Variants in GRIN2B observed in about 807,000 individuals in gnomAD.
The protein encoded by GRIN2B is glutamate ionotropic receptor NMDA type subunit 2B, also known as glutamate receptor ionotropic, NMDA 2B.
GRIN2B carries 5 observed loss-of-function variants against 114.5 expected under a neutral mutation model. The observed-to-expected ratio is 0.04, with a 90% CI of 0.02 to 0.09. The LOEUF (loss-of-function observed/expected upper bound fraction) is 0.09, where lower values mean the gene tolerates loss of function less well. Ranked by LOEUF, GRIN2B falls within the 10% of genes least tolerant of loss-of-function variation. GRIN2B has a pLI of 1.00. For missense variants in GRIN2B, 1,108 were observed against 1,943.5 expected, an observed-to-expected ratio of 0.57 and a Z score of 8.08; for synonymous variants, 787 against 745.1, an observed-to-expected ratio of 1.06 and a Z score of -0.92.
At chr12:13,666,772 G>A (rs1949980240) in intron 5 of GRIN2B, among the ~76,000 whole-genome samples, 1 of 152,068 alleles carries the variant, frequency 6.6e-6, no homozygotes, top group African/African-American at 2.4e-5. Flanking sequence ...CATCATCACT[G>A]CAGGAAAAAC....
intron 3 of GRIN2B, among the ~76,000 whole-genome samples, chr12:13,785,250 T>C (rs964841534): frequency 1.3e-5 from 2 of 152,238 alleles, no homozygotes; most frequent in Admixed American, 1.3e-4. Flanking sequence ...GATGTTCCCC[T>C]GGCATCCATC....
Position 13,726,814 on chromosome 12 carries a change from C to T in GRIN2B, c.1010+26503G>A, listed in dbSNP as rs12579537. On this transcript the variant is annotated intron_variant, in intron 4 of 13. Coordinates refer to ENST00000609686, the MANE Select transcript of GRIN2B (RefSeq NM_000834.5). ...AATGTGTAGTCTTTTATCCCTCACC[C>T]GCCTCCGACCCTTTCCGCAAGTCCA... Among the ~76,000 whole-genome samples the T allele has an allele frequency of 2.0e-3, 306 of 151,966 alleles. 3 individuals carry two copies. Among genetic ancestry groups the T allele is most frequent in the African/African-American group, 6.9e-3 (287 of 41,482 alleles).
intron 4 of GRIN2B, among the ~76,000 whole-genome samples, chr12:13,699,721 T>C (rs796843324): frequency 8.5e-5 from 13 of 152,136 alleles, no homozygotes; most frequent in African/African-American, 2.7e-4. Flanking sequence ...CCCAAGTAGC[T>C]GGGACTACAG....
In GRIN2B at chr12:13,779,486, C is replaced by T. The variant is rs186684435; in HGVS notation, c.412-25571G>A. ...AAGCCACACATGTAATTTTAAATAG[C>T]CTGGTGGATATATTAAAATAAATAA... On this transcript the variant is annotated intron_variant, in intron 3 of 13. Coordinates refer to ENST00000609686, the MANE Select transcript of GRIN2B (RefSeq NM_000834.5). Among the ~76,000 whole-genome samples the T allele has an allele frequency of 5.3e-5, 8 of 152,162 alleles. No homozygotes were observed. In the East Asian group the frequency reaches 1.2e-3, roughly 22 times the overall value.
intron 10 of GRIN2B, among the ~76,000 whole-genome samples, chr12:13,586,190 A>G (rs1033052413): frequency 6.6e-6 from 1 of 152,242 alleles, no homozygotes; most frequent in South Asian, 2.1e-4. Flanking sequence ...GCTATGTGTC[A>G]TGATACAGGG....
chr12:13,747,485 C>G (rs1863406580), intron 4 of GRIN2B, among the ~76,000 whole-genome samples: 2 of 152,184 alleles, frequency 1.3e-5, no homozygotes, highest in South Asian at 4.1e-4. Flanking sequence ...TTTTTCCCAA[C>G]TTATATATCC....
intron 5 of GRIN2B, among the ~76,000 whole-genome samples, chr12:13,635,517 A>G (rs537856911): frequency 6.6e-6 from 1 of 152,182 alleles, no homozygotes; most frequent in Admixed American, 6.6e-5. Context: ...CTTTGCAATG[A>G]AGACAATTTT....
At chr12:13,920,915 A>G (rs576465158) in intron 2 of GRIN2B, among the ~76,000 whole-genome samples, 16 of 152,254 alleles carry the variant, frequency 1.1e-4, no homozygotes, top group Middle Eastern at 3.4e-3. Context: ...TGACTAATAC[A>G]TTAGTCTGCC....
intron 2 of GRIN2B, among the ~76,000 whole-genome samples, chr12:13,956,117 T>C (rs1340357252): frequency 6.6e-6 from 1 of 152,108 alleles, no homozygotes; most frequent in African/African-American, 2.4e-5. Flanking sequence ...GTAGGGGATA[T>C]GTCTGACCAA....
chr12:13,922,024 T>C (rs1263253663), intron 2 of GRIN2B, among the ~76,000 whole-genome samples: 1 of 152,202 alleles, frequency 6.6e-6, no homozygotes, highest in Non-Finnish European at 1.5e-5. Flanking sequence ...TTATTATACC[T>C]ATTTCTCAGG....
At chr12:13,609,663 T>C (rs2268098) in intron 9 of GRIN2B, among the ~76,000 whole-genome samples, 54,395 of 151,624 alleles carry the variant, frequency 0.36, 11,233 homozygotes, top group East Asian at 0.81. Context: ...GTCCCAGCTA[T>C]TCGGGAGCCT....
intron 12 of GRIN2B, among the ~76,000 whole-genome samples, chr12:13,569,489 T>C (rs1022284836): frequency 2.0e-5 from 3 of 152,056 alleles, no homozygotes; most frequent in Non-Finnish European, 4.4e-5. Flanking sequence ...AGATAAGGAA[T>C]GCCAAAATTA....
chr12:13,954,997 C>A (rs1388998562), intron 2 of GRIN2B, among the ~76,000 whole-genome samples: 1 of 151,876 alleles, frequency 6.6e-6, no homozygotes, highest in African/African-American at 2.4e-5. Context: ...GGGACAAAGT[C>A]ATGTGGTTGC....
rs372026559 is a variant in GRIN2B at position 13,917,889 on chromosome 12, A to AGTTTTT, written c.-18-51669_-18-51664dup. On this transcript the variant is annotated intron_variant, in intron 2 of 13. Transcript: ENST00000609686. ...TAGAAAAATATCAGATTTTTGGTAG[A>AGTTTTT]GTTTTTGTTTTTGTTTTTGTTTTTA... 4.6e-3 allele frequency among the ~76,000 whole-genome samples: 693 copies of AGTTTTT among 151,954 alleles called. 5 individuals carry two copies. Among genetic ancestry groups the AGTTTTT allele is most frequent in the African/African-American group, 0.016 (651 of 41,444 alleles).
At position 13,922,001 on chromosome 12, in the gene GRIN2B, A is replaced by G. The variant is rs77618470; in HGVS notation, c.-18-55775T>C. 8.5e-3 allele frequency among the ~76,000 whole-genome samples: 1,302 copies of G among 152,306 alleles called. 22 individuals carry two copies. The highest frequency in any genetic ancestry group is 0.03 in the African/African-American group (1,234 of 41,568). On this transcript the variant is annotated intron_variant, in intron 2 of 13. Coordinates refer to ENST00000609686, the MANE Select transcript of GRIN2B (RefSeq NM_000834.5). ...GCCTCTAAGCCTTAGGTTCTGTATC[A>G]GGAAAATGAGTGTTATTATACCTAT...
At chr12:13,631,472 C>G (rs535289503) in intron 5 of GRIN2B, among the ~76,000 whole-genome samples, 1 of 152,188 alleles carries the variant, frequency 6.6e-6, no homozygotes, top group African/African-American at 2.4e-5. Flanking sequence ...ACTAGCTACT[C>G]CCTGGACAAA....
At chr12:13,603,352 G>T (rs1306782271) in intron 10 of GRIN2B, among the ~76,000 whole-genome samples, 3 of 152,148 alleles carry the variant, frequency 2.0e-5, no homozygotes, top group Non-Finnish European at 2.9e-5. Flanking sequence ...AATGTAGGAA[G>T]AAAAGTGAAT....
intron 2 of GRIN2B, among the ~76,000 whole-genome samples, chr12:13,872,436 C>G (rs1297203785): frequency 2.9e-5 from 4 of 137,176 alleles, no homozygotes; most frequent in Non-Finnish European, 4.6e-5. Flanking sequence ...AGCCTGGCAA[C>G]AGAGCAAGGC....
intron 10 of GRIN2B, among the ~76,000 whole-genome samples, chr12:13,584,863 G>A (rs1377797800): frequency 1.3e-5 from 2 of 152,182 alleles, no homozygotes; most frequent in Admixed American, 6.5e-5. Context: ...CCTTCGTTGA[G>A]CTCCTTCAAC....
Sources: gnomAD v4.1 joint callset for allele counts (sites outside exome capture counted in the v4.1 genomes callset) on GRCh38, gnomAD v4.1.1 for gene constraint, MANE v1.5 for transcripts, NCBI Gene and HGNC (gene_info 2026-07-23, HGNC 2026-07-21) for gene names.